GGT7: variants seen among roughly 807,000 people sequenced by gnomAD.
GGT7 encodes glutathione hydrolase 7.
In GGT7, 30 loss-of-function variants were observed where a neutral mutation model predicts 69.2. That is an observed-to-expected ratio of 0.43 (90% confidence interval 0.32 to 0.59). The LOEUF is 0.59. Ranked by LOEUF, GGT7 falls within the 20% of genes least tolerant of loss-of-function variation. GGT7 has a pLI of 0.05. For synonymous variants in GGT7, 388 were observed against 391.8 expected, an observed-to-expected ratio of 0.99 and a Z score of 0.12; for missense variants, 733 against 901.1, an observed-to-expected ratio of 0.81 and a Z score of 2.39.
In GGT7 at chr20:34,863,319, G is replaced by A; in HGVS notation, c.399C>T (p.Asp133=). Residue 133 remains aspartate, a synonymous_variant, in exon 2 of 15, where the codon GAC becomes GAT. Coordinates refer to ENST00000336431, the MANE Select transcript of GGT7 (RefSeq NM_178026.3). This position sits in a 1 kb window ranked among gnomAD's most constrained non-coding sequence, Gnocchi z 4.4. ...VALVMQIYFG[D]PQIFQQGAVV... ...CCCCATTTGTCCCCCTCACCTGGGG[G>A]TCCCCGAAGTAGATCTGCATGACCA... The A allele has an allele frequency of 6.2e-7, 1 of 1,609,900 alleles. No individual in the cohort carries two copies. The highest frequency in any genetic ancestry group is 1.1e-5 in the South Asian group (1 of 90,888).
chr20:34,852,565 G>A, intron 10 of GGT7, 27 bp from the exon 11 acceptor site: 1 of 1,551,744 alleles, frequency 6.4e-7, no homozygotes, highest in South Asian at 1.2e-5. Context: ...TGGGAGATGA[G>A]CAAACAACAG....
chr20:34,863,227 G>A lies in GGT7; in HGVS notation c.405+86C>T. 5.7e-6 allele frequency: 6 copies of A among 1,046,038 alleles called. No individual in the cohort carries two copies. In the South Asian group the frequency reaches 9.2e-5, roughly 16 times the overall value. 64.8% of individuals were successfully genotyped at this position (1,046,038 alleles called of 1,614,324 possible). ...ACCCTCTCTCCCCTTCTACCACTCA[G>A]CCATTCCCCAGTTTCCACAGTTCCT... is the stretch of plus-strand genomic sequence containing the variant. On this transcript the variant is annotated intron_variant, in intron 2 of 14. Coordinates refer to ENST00000336431, the MANE Select transcript of GGT7 (RefSeq NM_178026.3). This position sits in a 1 kb window ranked among gnomAD's most constrained non-coding sequence, Gnocchi z 4.4.
intron 1 of GGT7, among the ~76,000 whole-genome samples, chr20:34,871,932 C>A (rs192449865): frequency 1.3e-4 from 20 of 152,218 alleles, no homozygotes; most frequent in African/African-American, 4.8e-4. Flanking sequence ...CTTCTCTTAC[C>A]CCCACTTCTC....
intron 6 of GGT7, 72 bp from the exon 7 acceptor site, chr20:34,859,711 G>A (rs933045115): frequency 4.0e-6 from 5 of 1,250,150 alleles, no homozygotes; most frequent in Non-Finnish European, 5.5e-6. Flanking sequence ...GCAATAGATG[G>A]GGTAGATGGG....
At chr20:34,851,825 A>T (rs1207261315) in intron 12 of GGT7, among the ~76,000 whole-genome samples, 2 of 152,238 alleles carry the variant, frequency 1.3e-5, no homozygotes. Context: ...GCTCAAGCTC[A>T]CATAGTCACA....
At chr20:34,868,835 G>C (rs566958368) in intron 1 of GGT7, among the ~76,000 whole-genome samples, 1 of 152,300 alleles carries the variant, frequency 6.6e-6, no homozygotes, top group East Asian at 1.9e-4. Context: ...GGGGCATCTT[G>C]CCCCTAATAA....
intron 1 of GGT7, among the ~76,000 whole-genome samples, chr20:34,871,214 G>A (rs574782023): frequency 1.3e-5 from 2 of 152,174 alleles, no homozygotes; most frequent in Non-Finnish European, 2.9e-5. Context: ...CATTTACAGA[G>A]GGCCAGAAGA....
Position 34,845,207 on chromosome 20 carries a change from A to G in GGT7, c.*121T>C. 2 of 776,014 alleles carry G rather than the reference A, an allele frequency of 2.6e-6. No individual in the cohort carries two copies. The highest frequency in any genetic ancestry group is 3.8e-6 in the Non-Finnish European group (2 of 524,572). The allele number at this position is 776,014 out of a possible 1,614,324, so 48.1% of individuals were successfully genotyped here. The stretch of plus-strand genomic sequence containing the variant: ...TACTCTGGGATTGGGTTTGCTAAGC[A>G]TCCCCTCTGGCCCCTGATCTGGGGC... On this transcript the variant is annotated 3_prime_UTR_variant, in exon 15 of 15. Coordinates refer to ENST00000336431, the MANE Select transcript of GGT7 (RefSeq NM_178026.3).
chr20:34,845,143 CA>C lies in GGT7; in HGVS notation c.*184del. ...CCACCACCACCACCACCACCACCAC[CA>C]CCACCACCACAGGCCTCCTGATGGA... On this transcript the variant is annotated 3_prime_UTR_variant, in exon 15 of 15. Coordinates refer to ENST00000336431, the MANE Select transcript of GGT7 (RefSeq NM_178026.3). The C allele has an allele frequency of 3.8e-6, 2 of 533,236 alleles. No individual in the cohort carries two copies. 33.0% of individuals were successfully genotyped at this position (533,236 alleles called of 1,614,324 possible). A position where few individuals can be genotyped will look rare whatever the true frequency, so the allele number is the denominator to read the frequency against.
Position 34,863,065 on chromosome 20 carries a change from G to A in GGT7, c.406-100C>T. On this transcript the variant is annotated intron_variant, in intron 2 of 14. Transcript: ENST00000336431. The surrounding 1 kb of genome is among the most constrained non-coding windows in gnomAD (Gnocchi z 4.4). ...AACTCTACGCGGCATGAAGGTCGAA[G>A]CCCTGCCCCCTTGTTGCCTTGACTC... is the stretch of plus-strand genomic sequence containing the variant. 2.5e-6 allele frequency: 3 copies of A among 1,206,114 alleles called. No homozygotes were observed. Among genetic ancestry groups the A allele is most frequent in the Non-Finnish European group, 3.5e-6 (3 of 857,606 alleles). 74.7% of individuals were successfully genotyped at this position (1,206,114 alleles called of 1,614,324 possible). A position where few individuals can be genotyped will look rare whatever the true frequency, so the allele number is the denominator to read the frequency against.
In GGT7 at chr20:34,852,375, C is replaced by T. The variant is rs370540483; in HGVS notation, c.1469+14G>A. 19 of 1,613,788 alleles carry T rather than the reference C, an allele frequency of 1.2e-5. No homozygotes were observed. Among genetic ancestry groups the T allele is most frequent in the African/African-American group, 6.7e-5 (5 of 74,928 alleles). On this transcript the variant is annotated intron_variant, in intron 11 of 14. Coordinates refer to ENST00000336431, the MANE Select transcript of GGT7 (RefSeq NM_178026.3). ...GGATCCCTTGTTCCAGGTTCTGAGT[C>T]TGAGCTGGCATACCTAACCATGGCC...
intron 13 of GGT7, 109 bp from the exon 14 acceptor site, chr20:34,850,169 C>T (rs774265404): frequency 1.2e-6 from 1 of 826,100 alleles, no homozygotes; most frequent in African/African-American, 1.7e-5. Context: ...AATTCTTACA[C>T]CGGGTGTCAT....
At position 34,845,476 on chromosome 20, in the gene GGT7, T is replaced by C. The variant is rs752526099; in HGVS notation, c.1841A>G (p.Glu614Gly). ...CCTGGCTTCCAGGAACTCAATCTCT[T>C]CCTCTGTGAACTCACCTGAAAACCA... ...LLQVDSEFTE[E>G]EIEFLEARGH... The change falls in exon 15 of 15, where the codon GAA (glutamate) becomes GGA (glycine). Residue 614 changes from glutamate to glycine, a missense_variant. Glu to Gly is a moderately conservative substitution (Grantham distance 98). Coordinates refer to ENST00000336431, the MANE Select transcript of GGT7 (RefSeq NM_178026.3). The C allele has an allele frequency of 1.2e-6, 2 of 1,613,774 alleles. No individual in the cohort carries two copies. The highest frequency in any genetic ancestry group is 2.7e-5 in the African/African-American group (2 of 74,874).
intron 14 of GGT7, among the ~76,000 whole-genome samples, chr20:34,849,352 G>C (rs563990382): frequency 1.3e-5 from 2 of 150,956 alleles, no homozygotes; most frequent in Non-Finnish European, 3.0e-5. Context: ...TTATAGAGAC[G>C]GGGGGGTGGA....
chr20:34,846,749 G>A (rs1248986719), intron 14 of GGT7, among the ~76,000 whole-genome samples: 1 of 152,150 alleles, frequency 6.6e-6, no homozygotes, highest in Non-Finnish European at 1.5e-5. Context: ...TCCTTACCAA[G>A]GTGCCTCTAA....
chr20:34,856,965 G>A, intron 7 of GGT7, 72 bp from the exon 8 acceptor site: 1 of 911,060 alleles, frequency 1.1e-6, no homozygotes, highest in Non-Finnish European at 1.8e-6. Context: ...AACACGTTTG[G>A]ATCACAGACA....
In GGT7 at chr20:34,854,831, C is replaced by A; in HGVS notation, c.1195G>T (p.Val399Leu). ...ILEGFNLTSL[V>L]SREQALHWVA... ...CAGTGAAGAGCCTGTTCTCGGGATA[C>A]CAGGCTGGTGAGATTGAAGCCCTCC... Residue 399 changes from valine (V) to leucine (L), a missense_variant, in exon 9 of 15, where the codon GTA becomes TTA. Coordinates refer to ENST00000336431, the MANE Select transcript of GGT7 (RefSeq NM_178026.3). 1 of 1,614,060 alleles carries A rather than the reference C, an allele frequency of 6.2e-7. No homozygotes were observed. Among genetic ancestry groups the A allele is most frequent in the Non-Finnish European group, 8.5e-7 (1 of 1,179,916 alleles).
In GGT7 at chr20:34,863,297, C is replaced by A; in HGVS notation, c.405+16G>T. The A allele has an allele frequency of 6.3e-7, 1 of 1,576,826 alleles. No individual in the cohort carries two copies. Among genetic ancestry groups the A allele is most frequent in the East Asian group, 2.3e-5 (1 of 44,310 alleles). On this transcript the variant is annotated intron_variant, in intron 2 of 14. Coordinates refer to ENST00000336431, the MANE Select transcript of GGT7 (RefSeq NM_178026.3). The surrounding 1 kb of genome is among the most constrained non-coding windows in gnomAD (Gnocchi z 4.4). ...CACTCCCCAGTTTCCTCCCCCTCCCCATTTGTCCCCCTCACCTGGGGGTCC... is the reference window on the plus strand; with the variant it reads ...CACTCCCCAGTTTCCTCCCCCTCCCAATTTGTCCCCCTCACCTGGGGGTCC...
At chr20:34,855,814 T>TGGGTGTGTGTGTGTGTGTGA (rs56219337) in intron 8 of GGT7, among the ~76,000 whole-genome samples, 1 of 144,518 alleles carries the variant, frequency 6.9e-6, no homozygotes, top group Non-Finnish European at 1.5e-5. Context: ...TGTGTGTGTG[T>TGGGTGTGTGTGTGTGTGTGA]GATAATGGTC....
Sources: allele counts gnomAD v4.1 joint callset (sites outside exome capture counted in the v4.1 genomes callset), GRCh38; gene constraint gnomAD v4.1.1; non-coding constraint Gnocchi (gnomAD v3.1); transcripts MANE v1.5; gene names NCBI Gene and HGNC (gene_info 2026-07-23, HGNC 2026-07-21).